The following DTD1 variants were observed in gnomAD, a reference collection of about 807,000 sequenced individuals.
DTD1 encodes D-aminoacyl-tRNA deacylase 1, also known as D-tyrosyl-tRNA deacylase 1 homolog.
In DTD1, 13 loss-of-function variants were observed where a neutral mutation model predicts 25.6. The ratio of observed to expected loss-of-function variants is 0.51; its 90% CI spans 0.33 to 0.81. The LOEUF is 0.81. DTD1 is among the 30% of genes least tolerant of loss of function. DTD1 has a pLI of 0.02. For missense variants in DTD1, 193 were observed against 266.4 expected, an observed-to-expected ratio of 0.72 and a Z score of 1.92; for synonymous variants, 110 against 103.6, an observed-to-expected ratio of 1.06 and a Z score of -0.37.
At chr20:18,675,292 G>C (rs1389736434) in intron 4 of DTD1, 2 of 152,366 alleles carry the variant, frequency 1.3e-5, no homozygotes, top group South Asian at 4.1e-4. Flanking sequence ...GCATCCTGTT[G>C]GTTATGTAGG....
At chr20:18,592,956 A>G (rs2060595995) in intron 1 of DTD1, among the ~76,000 whole-genome samples, 1 of 152,220 alleles carries the variant, frequency 6.6e-6, no homozygotes, top group Non-Finnish European at 1.5e-5. Flanking sequence ...TGCTGGGATT[A>G]CAGGCATAAA....
intron 4 of DTD1, among the ~76,000 whole-genome samples, chr20:18,661,108 C>T (rs900388447): frequency 6.6e-6 from 1 of 152,176 alleles, no homozygotes; most frequent in Non-Finnish European, 1.5e-5. Flanking sequence ...ATCTTTGTGC[C>T]TATCCCTCTG....
At chr20:18,699,579 C>T (rs1229579336) in intron 4 of DTD1, among the ~76,000 whole-genome samples, 1 of 152,132 alleles carries the variant, frequency 6.6e-6, no homozygotes, top group Non-Finnish European at 1.5e-5. Context: ...GGATGGAGCC[C>T]AGCTTGTGTG....
chr20:18,620,016 A>G (rs1390893559), intron 3 of DTD1: 1 of 151,694 alleles, frequency 6.6e-6, no homozygotes, highest in Non-Finnish European at 1.5e-5. Context: ...AAAAAATTTC[A>G]TTTCTATCTA....
intron 1 of DTD1, among the ~76,000 whole-genome samples, chr20:18,590,076 T>A (rs1319791246): frequency 1.3e-5 from 2 of 152,248 alleles, no homozygotes; most frequent in Non-Finnish European, 2.9e-5. Context: ...AATGTTAACT[T>A]CCTGTTTTAT....
chr20:18,640,347 C>A (rs1280807062), intron 4 of DTD1, among the ~76,000 whole-genome samples: 1 of 151,692 alleles, frequency 6.6e-6, no homozygotes, highest in Non-Finnish European at 1.5e-5. Flanking sequence ...AATCAGTATT[C>A]TTTTAAGAAT....
chr20:18,627,746 T>G (rs1301721273), intron 3 of DTD1, among the ~76,000 whole-genome samples: 1 of 152,156 alleles, frequency 6.6e-6, no homozygotes, highest in Non-Finnish European at 1.5e-5. Context: ...ACTCTCACAA[T>G]TCATATGTTT....
intron 3 of DTD1, among the ~76,000 whole-genome samples, chr20:18,625,730 T>A (rs999852528): frequency 6.6e-6 from 1 of 152,238 alleles, no homozygotes; most frequent in Non-Finnish European, 1.5e-5. Flanking sequence ...TGTTGGGGTT[T>A]CCATCAGTAA....
At chr20:18,667,656 T>A (rs1302896445) in intron 4 of DTD1, among the ~76,000 whole-genome samples, 1 of 150,400 alleles carries the variant, frequency 6.6e-6, no homozygotes, top group Admixed American at 6.7e-5. Context: ...CAGGTGACTT[T>A]CAGCAACTAT....
At chr20:18,612,323 C>T (rs571211754) in intron 3 of DTD1, among the ~76,000 whole-genome samples, 7 of 152,196 alleles carry the variant, frequency 4.6e-5, no homozygotes, top group South Asian at 4.1e-4. Flanking sequence ...GGTGAGCCAC[C>T]GCGCCTGGCC....
In DTD1 at chr20:18,766,386, A is replaced by T. The variant is rs1473063369; in HGVS notation, c.*3046A>T. 1 of 152,108 alleles carries T rather than the reference A, an allele frequency of 6.6e-6. No homozygotes were observed. Among genetic ancestry groups the T allele is most frequent in the Admixed American group, 6.6e-5 (1 of 15,262 alleles). 9.4% of individuals were successfully genotyped at this position (152,108 alleles called of 1,614,324 possible). ...TCAGGTCCTTTAAAAATAGAGTTAA[A>T]CACCCTCATCTCAGAAGACATGGAA... On this transcript the variant is annotated 3_prime_UTR_variant, in exon 6 of 6. Transcript: ENST00000377452.
intron 3 of DTD1, among the ~76,000 whole-genome samples, chr20:18,609,983 A>AT (rs1340924852): frequency 1.3e-5 from 2 of 152,202 alleles, no homozygotes; most frequent in Non-Finnish European, 2.9e-5. Flanking sequence ...TGAGACAAAG[A>AT]TTAGATGCTG....
intron 4 of DTD1, among the ~76,000 whole-genome samples, chr20:18,672,527 T>G (rs1252165225): frequency 6.6e-6 from 1 of 152,220 alleles, no homozygotes; most frequent in Admixed American, 6.5e-5. Flanking sequence ...TTTCCCTGTT[T>G]GGGTCAAACT....
chr20:18,674,973 T>A (rs2060964610), intron 4 of DTD1: 1 of 152,272 alleles, frequency 6.6e-6, no homozygotes, highest in Non-Finnish European at 1.5e-5. Flanking sequence ...AATAAACATT[T>A]TTTACACAGT....
In DTD1 at chr20:18,734,246, C is replaced by T. The variant is rs113910077; in HGVS notation, c.478-9854C>T. On this transcript the variant is annotated intron_variant, in intron 4 of 5. Transcript: ENST00000377452. Reference sequence around the variant, plus strand: ...TCTTTCCCCGTCCTACCCTCTGCCACCAGGCCTGTAAGTAGCAGGAAGAAA... The same window carrying T: ...TCTTTCCCCGTCCTACCCTCTGCCATCAGGCCTGTAAGTAGCAGGAAGAAA... Among the ~76,000 whole-genome samples, 571 of 152,284 alleles carry T rather than the reference C, an allele frequency of 3.7e-3. 4 individuals are homozygous for T. Among genetic ancestry groups the T allele is most frequent in the Non-Finnish European group, 6.9e-3 (471 of 68,026 alleles).
intron 4 of DTD1, among the ~76,000 whole-genome samples, chr20:18,662,427 G>A (rs142538933): frequency 6.6e-6 from 1 of 151,910 alleles, no homozygotes; most frequent in East Asian, 1.9e-4. Flanking sequence ...AGCTGGGGGT[G>A]GGGGGGAGAG....
intron 4 of DTD1, among the ~76,000 whole-genome samples, chr20:18,656,931 T>G (rs1053974539): frequency 6.6e-6 from 1 of 152,222 alleles, no homozygotes; most frequent in African/African-American, 2.4e-5. Flanking sequence ...ACTTTTTAAT[T>G]TTGAAATAAT....
chr20:18,699,487 G>GT (rs1250238597), intron 4 of DTD1, among the ~76,000 whole-genome samples: 1 of 152,250 alleles, frequency 6.6e-6, no homozygotes, highest in Admixed American at 6.5e-5. Flanking sequence ...CAGCAGGACA[G>GT]TCATGGGGAG....
chr20:18,695,572 TTCCCCTCCCCTCCCC>T (rs1207770743), intron 4 of DTD1, among the ~76,000 whole-genome samples: 2 of 1,602 alleles, frequency 1.2e-3, no homozygotes, highest in Non-Finnish European at 2.3e-3. Flanking sequence ...TTCCCCTCCA[TTCCCCTCCCCTCCCC>T]TCCCCTCCCC....
Sources: allele counts gnomAD v4.1 joint callset (sites outside exome capture counted in the v4.1 genomes callset), GRCh38; gene constraint gnomAD v4.1.1; transcripts MANE v1.5; gene names NCBI Gene and HGNC (gene_info 2026-07-23, HGNC 2026-07-21).